CFAP70: variants seen among roughly 807,000 people sequenced by gnomAD.
The protein encoded by CFAP70 is cilia and flagella associated protein 70.
Under a neutral mutation model 137.6 loss-of-function variants are expected in CFAP70, and 81 were observed. That is an observed-to-expected ratio of 0.59 (90% CI 0.49 to 0.71). The LOEUF is 0.71. Ranked by LOEUF, CFAP70 falls within the 30% of genes least tolerant of loss-of-function variation. The pLI is 0.00. For missense variants in CFAP70, 976 were observed against 1,226.7 expected (o/e 0.80, Z 3.05); for synonymous variants, 382 against 423.6 (o/e 0.90, Z 1.20).
chr10:73,260,982 C>T lies in CFAP70; in HGVS notation c.3028-4566G>A, dbSNP rs772362309. Among the ~76,000 whole-genome samples the T allele has an allele frequency of 5.3e-4, 80 of 152,158 alleles. 1 individual carries two copies. The highest frequency in any genetic ancestry group is 1.2e-4 in the Non-Finnish European group (8 of 68,038). ...AGCTAGATATAGAGAAGTAGAATTGCTGGCACATATGGTAAATATGTGTAA... is the reference window on the plus strand; with the variant it reads ...AGCTAGATATAGAGAAGTAGAATTGTTGGCACATATGGTAAATATGTGTAA... On this transcript the variant is annotated intron_variant, in intron 25 of 26. Transcript: ENST00000310715.
exon 12 of CFAP70, chr10:73,310,236 G>C: frequency 6.2e-7 from 1 of 1,609,824 alleles, no homozygotes; most frequent in Non-Finnish European, 8.5e-7. Flanking sequence ...GTATGTCCCT[G>C]CTTCTACATA....
At chr10:73,326,679 C>T (rs1690331565) in intron 8 of CFAP70, among the ~76,000 whole-genome samples, 2 of 152,082 alleles carry the variant, frequency 1.3e-5, no homozygotes, top group Non-Finnish European at 2.9e-5. Context: ...CACAGAGATA[C>T]AAACTACCAT....
intron 5 of CFAP70, 39 bp from the exon 7 acceptor site, chr10:73,341,620 A>T: frequency 6.4e-7 from 1 of 1,556,188 alleles, no homozygotes. Flanking sequence ...AAATTTGTAA[A>T]GGACTTTGAA....
intron 1 of CFAP70, among the ~76,000 whole-genome samples, chr10:73,358,203 A>G (rs1284143666): frequency 1.3e-5 from 2 of 152,218 alleles, no homozygotes; most frequent in African/African-American, 4.8e-5. Context: ...TCTCACGCAT[A>G]TTTACGGGCC....
intron 25 of CFAP70, among the ~76,000 whole-genome samples, chr10:73,263,729 A>C (rs757446128): frequency 6.6e-6 from 1 of 152,070 alleles, no homozygotes; most frequent in Non-Finnish European, 1.5e-5. Flanking sequence ...TAATGTTACT[A>C]TTTTCCCCTT....
upstream of CFAP70, among the ~76,000 whole-genome samples, chr10:73,362,142 G>C (rs928019066): frequency 6.6e-6 from 1 of 152,144 alleles, no homozygotes; most frequent in African/African-American, 2.4e-5. Context: ...GATCTACTGG[G>C]ATGTGGGAGG....
At position 73,291,878 on chromosome 10, in the gene CFAP70, T is replaced by C. The variant is rs780607911; in HGVS notation, c.1904+3A>G. The stretch of plus-strand genomic sequence containing the variant: ...TGATTCCTCATCTCCCTTCCACCTA[T>C]ACCTGTGGATATGACTCTGGTTGAG... On this transcript the variant is annotated splice_donor_region_variant and intron_variant, in intron 17 of 26. Transcript: ENST00000310715. The C allele has an allele frequency of 1.1e-5, 17 of 1,614,054 alleles. No homozygotes were observed. Among genetic ancestry groups the C allele is most frequent in the Middle Eastern group, 1.6e-4 (1 of 6,084 alleles).
chr10:73,331,199 C>T (rs2052037344), exon 8 of CFAP70: 1 of 1,611,818 alleles, frequency 6.2e-7, no homozygotes, highest in Non-Finnish European at 8.5e-7. Context: ...GCCAGCTTTC[C>T]CTTTGGGTAT....
intron 6 of CFAP70, among the ~76,000 whole-genome samples, chr10:73,339,956 A>G (rs1206371631): frequency 2.0e-5 from 3 of 152,202 alleles, no homozygotes; most frequent in African/African-American, 4.8e-5. Flanking sequence ...CAGCTCTTTC[A>G]GCCCCACCAT....
At chr10:73,299,514 C>T in intron 13 of CFAP70, 91 bp downstream of exon 14, 1 of 1,091,822 alleles carries the variant, frequency 9.2e-7, no homozygotes, top group Non-Finnish European at 1.4e-6. Flanking sequence ...TTCACCCCTT[C>T]TGGAAGACAT....
intron 6 of CFAP70, among the ~76,000 whole-genome samples, chr10:73,339,209 C>T (rs7079748): frequency 0.11 from 16,058 of 152,116 alleles, 1,228 homozygotes; most frequent in East Asian, 0.3. Context: ...TCAGCTACTC[C>T]GCCCAGCCGA....
At chr10:73,312,702 A>G (rs2050014288) in intron 9 of CFAP70, 59 bp from the exon 11 acceptor site, 1 of 1,405,956 alleles carries the variant, frequency 7.1e-7, no homozygotes, top group Non-Finnish European at 9.5e-7. Flanking sequence ...TGAAAGAAAT[A>G]CACATTATTT....
chr10:73,341,523 G>T (rs758022732), exon 6 of CFAP70: 3 of 1,614,158 alleles, frequency 1.9e-6, no homozygotes, highest in Admixed American at 3.3e-5. Context: ...CCGGGGAACA[G>T]GTTCCCTTTC....
At position 73,294,252 on chromosome 10, in the gene CFAP70, C is replaced by G. The variant is rs78344199; in HGVS notation, c.1645-864G>C. 4.6e-5 allele frequency: 7 copies of G among 152,304 alleles called. No homozygotes were observed. The East Asian group carries it at 1.4e-3, about 29-fold the overall frequency. 9.4% of individuals were successfully genotyped at this position (152,304 alleles called of 1,614,324 possible). The stretch of plus-strand genomic sequence containing the variant: ...TATCCCACTCCCAGAACCAACACTC[C>G]ATGTCTTGTCTTCCACCTTTTTGTT... On this transcript the variant is annotated intron_variant, in intron 15 of 26. Coordinates refer to ENST00000310715, the Ensembl canonical transcript of CFAP70.
At chr10:73,358,889 G>C (rs1457726340), upstream of CFAP70, 1 of 152,286 alleles carries the variant, frequency 6.6e-6, no homozygotes, top group African/African-American at 2.4e-5. Flanking sequence ...GCCGGCTGCA[G>C]CCTCCTCACT....
chr10:73,290,789 T>C (rs1267549268), intron 19 of CFAP70, among the ~76,000 whole-genome samples: 3 of 152,154 alleles, frequency 2.0e-5, no homozygotes, highest in Non-Finnish European at 4.4e-5. Context: ...TCTGTTAGAA[T>C]GGTGCCCCTT....
At chr10:73,301,951 G>A (rs544303328) in intron 12 of CFAP70, among the ~76,000 whole-genome samples, 6 of 152,074 alleles carry the variant, frequency 3.9e-5, no homozygotes, top group African/African-American at 1.2e-4. Context: ...AGAAGTATAT[G>A]GTATGTGAAT....
chr10:73,341,518 G>T (rs2053250118), exon 6 of CFAP70: 1 of 1,614,032 alleles, frequency 6.2e-7, no homozygotes, highest in Admixed American at 1.7e-5. Context: ...TTGGGCCGGG[G>T]AACAGGTTCC....
rs191674101 is a variant in CFAP70, at chr10:73,311,943, T to C, written c.1084-29A>G. 1.8e-4 allele frequency: 280 copies of C among 1,544,588 alleles called. 3 individuals carry two copies. The East Asian group carries it at 3.5e-3, about 19-fold the overall frequency. On this transcript the variant is annotated intron_variant, in intron 10 of 26. Transcript: ENST00000310715. ...AAAGAAAATGAACACACCTCAAAAA[T>C]TGAATTCCTACACAGTCTTCATAGT...
Sources: gnomAD v4.1 joint callset for allele counts (sites outside exome capture counted in the v4.1 genomes callset) on GRCh38, gnomAD v4.1.1 for gene constraint, MANE v1.5 for transcripts, NCBI Gene and HGNC (gene_info 2026-07-23, HGNC 2026-07-21) for gene names.